DLG2: variants seen among roughly 807,000 people sequenced by gnomAD.
DLG2 encodes disks large homolog 2.
In DLG2, 45 loss-of-function variants were observed where a neutral mutation model predicts 132.5. The observed-to-expected ratio is 0.34, with a 90% confidence interval of 0.27 to 0.44. The LOEUF is 0.44. Ranked by LOEUF, DLG2 falls within the 20% of genes least tolerant of loss-of-function variation. The pLI is 1.00. For missense variants in DLG2, 1,045 were observed against 1,196.9 expected (o/e 0.87, Z 1.87); for synonymous variants, 424 against 419.6 (o/e 1.01, Z -0.13).
At chr11:84,923,557 C>CT (rs2092863680) in intron 6 of DLG2, 2 of 1,003,178 alleles carry the variant, frequency 2.0e-6, no homozygotes, top group South Asian at 8.4e-5. Flanking sequence ...CTATTAAATA[C>CT]TTTACAATGG....
At chr11:84,729,954 G>C (rs1174471860) in intron 6 of DLG2, among the ~76,000 whole-genome samples, 3 of 151,918 alleles carry the variant, frequency 2.0e-5, no homozygotes, top group Admixed American at 2.0e-4. Context: ...TTAGCACCAA[G>C]TGTTTTTTGA....
intron 21 of DLG2, chr11:83,486,017 T>C (rs533680062): frequency 2.5e-6 from 1 of 404,686 alleles, no homozygotes; most frequent in East Asian, 3.7e-5. Flanking sequence ...TAAAATTACA[T>C]TCTCAGAGGG....
In DLG2 at chr11:83,874,501, A is replaced by C. The variant is rs766325493; in HGVS notation, c.1497-13T>G. On this transcript the variant is annotated splice_polypyrimidine_tract_variant and intron_variant, in intron 15 of 27. Coordinates refer to ENST00000376104, the MANE Select transcript of DLG2 (RefSeq NM_001142699.3). Reference sequence around the variant, plus strand: ...ATGTTGGGAATGACTGCAAGAAAAGACAGAAGAAACACACATCATTTATTT... The same window carrying C: ...ATGTTGGGAATGACTGCAAGAAAAGCCAGAAGAAACACACATCATTTATTT... The C allele has an allele frequency of 6.3e-7, 1 of 1,584,548 alleles. No homozygotes were observed. Among genetic ancestry groups the C allele is most frequent in the Non-Finnish European group, 8.6e-7 (1 of 1,162,308 alleles).
intron 10 of DLG2, among the ~76,000 whole-genome samples, chr11:84,092,984 C>T (rs539604044): frequency 6.7e-6 from 1 of 149,166 alleles, no homozygotes; most frequent in South Asian, 2.1e-4. Context: ...GGCAGTGAGC[C>T]GAGATTGCGC....
intron 21 of DLG2, among the ~76,000 whole-genome samples, chr11:83,500,178 T>C (rs1282988374): frequency 6.6e-6 from 1 of 151,934 alleles, no homozygotes; most frequent in Non-Finnish European, 1.5e-5. Context: ...TGAGGTTCTT[T>C]AGTATTGTAG....
intron 8 of DLG2, among the ~76,000 whole-genome samples, chr11:84,221,464 AAATAAT>A (rs371276817): frequency 9.5e-4 from 144 of 151,820 alleles, no homozygotes; most frequent in Non-Finnish European, 1.9e-3. Context: ...ATTCCATCTC[AAATAAT>A]AATAATAATA....
At chr11:84,962,715 A>G (rs1017233872) in intron 6 of DLG2, among the ~76,000 whole-genome samples, 1 of 152,216 alleles carries the variant, frequency 6.6e-6, no homozygotes, top group African/African-American at 2.4e-5. Flanking sequence ...AATATCTTAG[A>G]GTCATCTGTT....
chr11:84,725,635 A>G (rs1323868431), intron 6 of DLG2, among the ~76,000 whole-genome samples: 1 of 152,152 alleles, frequency 6.6e-6, no homozygotes, highest in Non-Finnish European at 1.5e-5. Flanking sequence ...ACAATTAAGA[A>G]CGAACAAATA....
At chr11:85,474,538 CT>C (rs1166119026) in intron 3 of DLG2, among the ~76,000 whole-genome samples, 2 of 151,820 alleles carry the variant, frequency 1.3e-5, no homozygotes, top group South Asian at 2.1e-4. Flanking sequence ...AGAATAAATT[CT>C]TTTAAAAACC....
chr11:84,062,736 A>ATT (rs35921216), intron 10 of DLG2, among the ~76,000 whole-genome samples: 10,403 of 148,868 alleles, frequency 0.07, 393 homozygotes, highest in Non-Finnish European at 0.087. Flanking sequence ...GATTGTTTTA[A>ATT]TTTTTTTTTT....
intron 6 of DLG2, among the ~76,000 whole-genome samples, chr11:84,741,256 C>T (rs2064613512): frequency 6.6e-6 from 1 of 151,582 alleles, no homozygotes; most frequent in Admixed American, 6.6e-5. Flanking sequence ...TTAGTAGAGA[C>T]GGGGTTTCAC....
intron 14 of DLG2, among the ~76,000 whole-genome samples, chr11:83,954,568 G>A (rs1297684016): frequency 1.3e-5 from 2 of 152,250 alleles, no homozygotes; most frequent in South Asian, 2.1e-4. Flanking sequence ...CAAAATCTCA[G>A]AGACATTTGT....
intron 7 of DLG2, among the ~76,000 whole-genome samples, chr11:84,317,594 T>C (rs1262682524): frequency 6.6e-6 from 1 of 152,192 alleles, no homozygotes; most frequent in Non-Finnish European, 1.5e-5. Flanking sequence ...GAGATTCTTA[T>C]GAGATTAGTA....
intron 7 of DLG2, among the ~76,000 whole-genome samples, chr11:84,485,935 C>A (rs556837469): frequency 6.6e-6 from 1 of 152,214 alleles, no homozygotes; most frequent in East Asian, 1.9e-4. Flanking sequence ...GACTAACACA[C>A]CACATTTTGT....
chr11:85,047,918 CTAAG>C (rs543042797), intron 6 of DLG2, among the ~76,000 whole-genome samples: 39 of 151,922 alleles, frequency 2.6e-4, no homozygotes, highest in African/African-American at 9.2e-4. Context: ...ACAATTCTCA[CTAAG>C]TGAGAGTTTT....
At chr11:84,932,467 T>A (rs1376432496) in intron 6 of DLG2, among the ~76,000 whole-genome samples, 1 of 152,090 alleles carries the variant, frequency 6.6e-6, no homozygotes, top group Admixed American at 6.6e-5. Flanking sequence ...TGTACCATGG[T>A]GGTTTTTTGT....
chr11:84,512,802 C>T (rs534918109), intron 7 of DLG2, among the ~76,000 whole-genome samples: 1 of 152,034 alleles, frequency 6.6e-6, no homozygotes, highest in East Asian at 1.9e-4. Flanking sequence ...GAATACTACA[C>T]AGCCATAAAA....
At chr11:83,728,528 C>T (rs1443481175) in intron 18 of DLG2, among the ~76,000 whole-genome samples, 1 of 152,238 alleles carries the variant, frequency 6.6e-6, no homozygotes, top group East Asian at 1.9e-4. Context: ...ATAGCATTTC[C>T]TATATGCCTG....
At chr11:85,421,820 G>A (rs911713968) in intron 3 of DLG2, among the ~76,000 whole-genome samples, 2 of 152,032 alleles carry the variant, frequency 1.3e-5, no homozygotes, top group Non-Finnish European at 2.9e-5. Flanking sequence ...ATTTTGATGT[G>A]TTTCCAGGAT....
Sources: gnomAD v4.1 joint callset for allele counts (sites outside exome capture counted in the v4.1 genomes callset) on GRCh38, gnomAD v4.1.1 for gene constraint, MANE v1.5 for transcripts, NCBI Gene and HGNC (gene_info 2026-07-23, HGNC 2026-07-21) for gene names.